The following NEGR1 variants were observed in gnomAD, a reference collection of about 807,000 sequenced individuals.
NEGR1 encodes IgLON family member 4.
In NEGR1, 10 loss-of-function variants were observed where a neutral mutation model predicts 40.9. That is an observed-to-expected ratio of 0.24 (90% CI 0.15 to 0.42). NEGR1 has a LOEUF of 0.42. NEGR1 is among the 10% of genes least tolerant of loss of function. NEGR1 has a pLI of 1.00. For missense variants in NEGR1, 352 were observed against 438.9 expected (o/e 0.80, Z 1.77); for synonymous variants, 185 against 166.8 (o/e 1.11, Z -0.84).
At chr1:72,112,457 T>C (rs1557532471) in intron 1 of NEGR1, among the ~76,000 whole-genome samples, 1 of 151,728 alleles carries the variant, frequency 6.6e-6, no homozygotes, top group African/African-American at 2.4e-5. Flanking sequence ...CTTTTTCTTC[T>C]TCCCACCATG....
chr1:72,133,053 C>G (rs1650317436), intron 1 of NEGR1, among the ~76,000 whole-genome samples: 1 of 152,014 alleles, frequency 6.6e-6, no homozygotes, highest in African/African-American at 2.4e-5. Flanking sequence ...AGCTACCACT[C>G]CTTTAAAATG....
chr1:71,553,010 T>C (rs2101471081), intron 6 of NEGR1, among the ~76,000 whole-genome samples: 1 of 151,654 alleles, frequency 6.6e-6, no homozygotes, highest in South Asian at 2.1e-4. Flanking sequence ...TTATTTGCAG[T>C]CTATTTCGTT....
chr1:71,708,189 A>G (rs1178023671), intron 3 of NEGR1, among the ~76,000 whole-genome samples: 1 of 152,116 alleles, frequency 6.6e-6, no homozygotes. Flanking sequence ...CCCAGGAGAA[A>G]TAGAGATATG....
intron 1 of NEGR1, among the ~76,000 whole-genome samples, chr1:72,229,425 T>C (rs909962846): frequency 1.3e-5 from 2 of 148,750 alleles, no homozygotes; most frequent in Admixed American, 6.7e-5. Context: ...CATTCTATCA[T>C]TTAAATTTTT....
At chr1:72,054,721 A>G (rs894256030) in intron 1 of NEGR1, among the ~76,000 whole-genome samples, 1 of 151,216 alleles carries the variant, frequency 6.6e-6, no homozygotes, top group Admixed American at 6.6e-5. Flanking sequence ...CATTTATCTT[A>G]TCTATACAAT....
intron 6 of NEGR1, among the ~76,000 whole-genome samples, chr1:71,440,961 A>G (rs901497802): frequency 6.6e-6 from 1 of 152,220 alleles, no homozygotes; most frequent in African/African-American, 2.4e-5. Context: ...ACACTCATAG[A>G]TCAAAACAGG....
At chr1:72,055,130 A>AT (rs1006361991) in intron 1 of NEGR1, among the ~76,000 whole-genome samples, 7 of 151,112 alleles carry the variant, frequency 4.6e-5, no homozygotes, top group African/African-American at 1.7e-4. Context: ...GTTTTTATGT[A>AT]TTTTTTCAAT....
At chr1:71,747,956 A>G (rs972019012) in intron 3 of NEGR1, among the ~76,000 whole-genome samples, 4 of 152,158 alleles carry the variant, frequency 2.6e-5, no homozygotes, top group African/African-American at 9.6e-5. Context: ...TTTCAAATCC[A>G]ATTGTATTGG....
chr1:72,221,684 C>T (rs1239456509), intron 1 of NEGR1, among the ~76,000 whole-genome samples: 4 of 152,022 alleles, frequency 2.6e-5, no homozygotes, highest in Admixed American at 6.6e-5. Flanking sequence ...GACTAAAATC[C>T]TCAAAAAATC....
intron 1 of NEGR1, among the ~76,000 whole-genome samples, chr1:72,207,861 C>A (rs1261746768): frequency 1.3e-5 from 2 of 151,696 alleles, no homozygotes; most frequent in Non-Finnish European, 3.0e-5. Flanking sequence ...ACATTTTAGA[C>A]AAATGTTCTA....
At chr1:71,815,924 T>G (rs982984444) in intron 2 of NEGR1, among the ~76,000 whole-genome samples, 1 of 152,080 alleles carries the variant, frequency 6.6e-6, no homozygotes, top group Non-Finnish European at 1.5e-5. Context: ...ATATTACTCT[T>G]TCATAGAACT....
intron 1 of NEGR1, among the ~76,000 whole-genome samples, chr1:72,174,216 A>G (rs1652077968): frequency 6.6e-6 from 1 of 152,146 alleles, no homozygotes; most frequent in Non-Finnish European, 1.5e-5. Context: ...AGCCAAACTG[A>G]GTGGAAAGTA....
Position 71,928,423 on chromosome 1 carries a change from CATATGTATATATACACATAT to C in NEGR1, c.409+6636_409+6655del, listed in dbSNP as rs1196927010. Among the ~76,000 whole-genome samples, 5 of 131,128 alleles carry C rather than the reference CATATGTATATATACACATAT, an allele frequency of 3.8e-5. 2 individuals carry two copies. The highest frequency in any genetic ancestry group is 8.1e-5 in the Non-Finnish European group (5 of 61,408). 86.0% of individuals were successfully genotyped at this position (131,128 alleles called of 152,430 possible). On this transcript the variant is annotated intron_variant, in intron 2 of 6. Transcript: ENST00000357731. ...ATATATGTGTATGTATATATACACACATATGTATATATACACATATATATGTATATATACACACATACTTA... is the reference window on the plus strand; with the variant it reads ...ATATATGTGTATGTATATATACACACATATGTATATATACACACATACTTA...
At chr1:71,895,586 T>C (rs1237992762) in intron 2 of NEGR1, among the ~76,000 whole-genome samples, 1 of 150,676 alleles carries the variant, frequency 6.6e-6, no homozygotes, top group African/African-American at 2.5e-5. Context: ...TCACTTAGTG[T>C]TATAATTTCA....
At chr1:71,934,751 G>A (rs13313022) in intron 2 of NEGR1, among the ~76,000 whole-genome samples, 3,792 of 152,150 alleles carry the variant, frequency 0.025, 144 homozygotes, top group African/African-American at 0.086. Context: ...TTTGTAAGTA[G>A]GGATTTGTAT....
chr1:71,809,113 T>A (rs948203388), intron 2 of NEGR1, among the ~76,000 whole-genome samples: 4 of 152,174 alleles, frequency 2.6e-5, no homozygotes, highest in African/African-American at 9.7e-5. Context: ...CACTGATAAG[T>A]GATGGATACA....
At chr1:71,832,917 C>G (rs1335399493) in intron 2 of NEGR1, among the ~76,000 whole-genome samples, 1 of 151,894 alleles carries the variant, frequency 6.6e-6, no homozygotes, top group Admixed American at 6.6e-5. Context: ...ATGTTAAGAA[C>G]AGATAGTATT....
intron 1 of NEGR1, among the ~76,000 whole-genome samples, chr1:72,176,121 T>C (rs925605871): frequency 2.0e-5 from 3 of 152,094 alleles, no homozygotes; most frequent in African/African-American, 7.2e-5. Flanking sequence ...GGAAAGTTAA[T>C]ACAACACATT....
chr1:71,695,738 A>G (rs1178109941), intron 4 of NEGR1, among the ~76,000 whole-genome samples: 1 of 151,802 alleles, frequency 6.6e-6, no homozygotes, highest in Non-Finnish European at 1.5e-5. Context: ...GTAAGCAGAG[A>G]CACTGACAGC....
Sources: gnomAD v4.1 joint callset for allele counts (sites outside exome capture counted in the v4.1 genomes callset) on GRCh38, gnomAD v4.1.1 for gene constraint, MANE v1.5 for transcripts, NCBI Gene and HGNC (gene_info 2026-07-23, HGNC 2026-07-21) for gene names.